ADCY5: variants seen among roughly 807,000 people sequenced by gnomAD.
ADCY5 encodes adenylate cyclase type 5.
Under a neutral mutation model 119.7 loss-of-function variants are expected in ADCY5, and 30 were observed. The observed-to-expected ratio is 0.25, with a 90% CI of 0.19 to 0.34. The LOEUF (loss-of-function observed/expected upper bound fraction) is 0.34. ADCY5 is among the 10% of genes least tolerant of loss of function. The pLI, the probability that ADCY5 is intolerant of heterozygous loss-of-function variation, is 1.00. For missense variants in ADCY5, 1,324 were observed against 1,775.2 expected, an observed-to-expected ratio of 0.75 and a Z score of 4.57; for synonymous variants, 753 against 762.2, an observed-to-expected ratio of 0.99 and a Z score of 0.20.
chr3:123,341,093 C>A (rs1055461313), intron 3 of ADCY5, among the ~76,000 whole-genome samples: 5 of 152,068 alleles, frequency 3.3e-5, no homozygotes, highest in Non-Finnish European at 7.4e-5. Context: ...CCACTGTACT[C>A]CAGCCTGGGT....
chr3:123,351,866 C>T (rs1163461967), intron 2 of ADCY5, among the ~76,000 whole-genome samples: 2 of 152,192 alleles, frequency 1.3e-5, no homozygotes, highest in Non-Finnish European at 2.9e-5. Flanking sequence ...CTGGGAATGG[C>T]CTGCCTTCCC....
At chr3:123,391,689 G>A (rs1219350813) in intron 1 of ADCY5, among the ~76,000 whole-genome samples, 1 of 152,192 alleles carries the variant, frequency 6.6e-6, no homozygotes, top group Admixed American at 6.5e-5. Context: ...TCCAGGGCCT[G>A]GGGTTCCTGT....
chr3:123,439,186 G>A lies in ADCY5; in HGVS notation c.1134+8226C>T, dbSNP rs376900440. 1.5e-4 allele frequency among the ~76,000 whole-genome samples: 22 copies of A among 148,440 alleles called. No homozygotes were observed. In the East Asian group the frequency reaches 2.8e-3, roughly 19 times the overall value. On this transcript the variant is annotated intron_variant, in intron 1 of 20. Coordinates refer to ENST00000462833, the MANE Select transcript of ADCY5 (RefSeq NM_183357.3). Reference sequence around the variant, plus strand: ...GGGTTCATGCCATTCTCCTGCCTCAGCCTCCCGAGTAGCTGGGACTACAGG... The same window carrying A: ...GGGTTCATGCCATTCTCCTGCCTCAACCTCCCGAGTAGCTGGGACTACAGG...
chr3:123,352,516 A>G lies in ADCY5; in HGVS notation c.1200T>C (p.Ala400=). ...GGAAAGCCTGTCTCTGGGAGACCTCAGCCGGATAGTGGGTGCAGACACCCA... is the reference window on the plus strand; with the variant it reads ...GGAAAGCCTGTCTCTGGGAGACCTCGGCCGGATAGTGGGTGCAGACACCCA... The part of the protein sequence containing the change: ...NIVGVCTHYP[A]EVSQRQAFQE... Residue 400 remains alanine, a synonymous_variant, in exon 2 of 21, where the codon GCT becomes GCC. Coordinates refer to ENST00000462833, the MANE Select transcript of ADCY5 (RefSeq NM_183357.3). The surrounding 1 kb of genome is among the most constrained non-coding windows in gnomAD (Gnocchi z 4.8). 1 of 1,614,008 alleles carries G rather than the reference A, an allele frequency of 6.2e-7. No homozygotes were observed. Among genetic ancestry groups the G allele is most frequent in the Admixed American group, 1.7e-5 (1 of 60,016 alleles).
Position 123,447,847 on chromosome 3 carries a change from G to A in ADCY5, c.699C>T (p.Tyr233=), listed in dbSNP as rs1405524663. 8 of 1,612,630 alleles carry A rather than the reference G, an allele frequency of 5.0e-6. No homozygotes were observed. Among genetic ancestry groups the A allele is most frequent in the Non-Finnish European group, 6.8e-6 (8 of 1,179,740 alleles). The stretch of plus-strand genomic sequence containing the variant: ...GGCTGCTCTGGTTCAGGCGGAAGAA[G>A]TAGCGCTGGTACAGCCGCTCCAGTT... The part of the protein sequence containing the change: ...SDKLERLYQR[Y]FFRLNQSSLT... The change falls in exon 1 of 21, where the codon TAC becomes TAT. Residue 233 remains tyrosine, a synonymous_variant. Coordinates refer to ENST00000462833, the MANE Select transcript of ADCY5 (RefSeq NM_183357.3).
At chr3:123,419,100 T>C (rs1945246662) in intron 1 of ADCY5, 1 of 963,614 alleles carries the variant, frequency 1.0e-6, no homozygotes, top group South Asian at 4.8e-5. Flanking sequence ...TATATGTCTA[T>C]ATAAATCCTA....
chr3:123,332,087 G>A (rs908059494), intron 4 of ADCY5, among the ~76,000 whole-genome samples: 2 of 152,168 alleles, frequency 1.3e-5, no homozygotes, highest in Non-Finnish European at 2.9e-5. Flanking sequence ...TTATCCAAAC[G>A]TTTAAGAGTC....
chr3:123,384,803 T>C (rs1038772743), intron 1 of ADCY5, among the ~76,000 whole-genome samples: 8 of 152,136 alleles, frequency 5.3e-5, no homozygotes, highest in African/African-American at 1.7e-4. Flanking sequence ...AAGAGGCCAC[T>C]AGTACCACTC....
intron 17 of ADCY5, among the ~76,000 whole-genome samples, chr3:123,294,353 A>C (rs939270910): frequency 6.6e-6 from 1 of 152,234 alleles, no homozygotes; most frequent in Non-Finnish European, 1.5e-5. Flanking sequence ...AATTAGTGGA[A>C]TATCAGACTC....
intron 7 of ADCY5, among the ~76,000 whole-genome samples, chr3:123,326,755 T>C (rs1425030019): frequency 2.0e-5 from 3 of 152,300 alleles, no homozygotes; most frequent in East Asian, 3.9e-4. Flanking sequence ...CCAGGATCTG[T>C]CCCCTGGGGT....
chr3:123,301,405 A>G (rs1939845859), intron 14 of ADCY5, among the ~76,000 whole-genome samples: 1 of 152,200 alleles, frequency 6.6e-6, no homozygotes, highest in African/African-American at 2.4e-5. Context: ...AGAGGGAATG[A>G]GAAGGGCATG....
chr3:123,444,855 T>C (rs1334404550), intron 1 of ADCY5, among the ~76,000 whole-genome samples: 1 of 152,200 alleles, frequency 6.6e-6, no homozygotes, highest in Non-Finnish European at 1.5e-5. Flanking sequence ...CCCATTTCCC[T>C]GGACATGTGT....
At position 123,286,845 on chromosome 3, in the gene ADCY5, C is replaced by A. The variant is rs773732532; in HGVS notation, c.3533-36G>T. On this transcript the variant is annotated intron_variant, in intron 19 of 20. Transcript: ENST00000462833. The surrounding 1 kb of genome is among the most constrained non-coding windows in gnomAD (Gnocchi z 4.2). ...CAGGAATCAGCCACAGTCATCACAT[C>A]TCTGGCTTGACCTTGCCACCATCTG... 6 of 1,554,430 alleles carry A rather than the reference C, an allele frequency of 3.9e-6. No homozygotes were observed. Among genetic ancestry groups the A allele is most frequent in the African/African-American group, 1.4e-5 (1 of 73,144 alleles).
At chr3:123,368,205 A>C (rs766453606) in intron 1 of ADCY5, among the ~76,000 whole-genome samples, 9 of 152,238 alleles carry the variant, frequency 5.9e-5, no homozygotes, top group Non-Finnish European at 8.8e-5. Context: ...CGAATAAGAC[A>C]CCAATGCTAA....
chr3:123,324,610 G>A (rs933377069), intron 8 of ADCY5, among the ~76,000 whole-genome samples: 2 of 152,134 alleles, frequency 1.3e-5, no homozygotes, highest in East Asian at 1.9e-4. Flanking sequence ...CTGCAGTAAC[G>A]TGGCTTCTTC....
intron 11 of ADCY5, among the ~76,000 whole-genome samples, chr3:123,315,462 A>C (rs1940861763): frequency 6.6e-6 from 1 of 152,222 alleles, no homozygotes; most frequent in Admixed American, 6.5e-5. Flanking sequence ...CAGGCAGGGC[A>C]GGTAACTGAG....
chr3:123,329,389 T>C (rs1941652617), intron 5 of ADCY5, among the ~76,000 whole-genome samples: 1 of 152,106 alleles, frequency 6.6e-6, no homozygotes, highest in Non-Finnish European at 1.5e-5. Context: ...AGAGGAAAGC[T>C]TGGTCCCGGC....
Position 123,283,438 on chromosome 3 carries a change from T to G in ADCY5, c.*1170A>C, listed in dbSNP as rs1938502044. On this transcript the variant is annotated 3_prime_UTR_variant, in exon 21 of 21. Coordinates refer to ENST00000462833, the MANE Select transcript of ADCY5 (RefSeq NM_183357.3). The stretch of plus-strand genomic sequence containing the variant: ...AGCAGCTTTTTGTTTTCTTATTCCA[T>G]CTGCGTTTTGCTTAGGGGAAGGAGG... 6.6e-6 allele frequency: 1 copy of G among 152,270 alleles called. No individual in the cohort carries two copies. The highest frequency in any genetic ancestry group is 1.5e-5 in the Non-Finnish European group (1 of 68,076). 9.4% of individuals were successfully genotyped at this position (152,270 alleles called of 1,614,324 possible).
At chr3:123,412,433 G>A (rs116488955) in intron 1 of ADCY5, among the ~76,000 whole-genome samples, 11 of 152,208 alleles carry the variant, frequency 7.2e-5, no homozygotes, top group African/African-American at 9.7e-5. Context: ...TCCAAAAGCC[G>A]GGAAACCATG....
Sources: allele counts gnomAD v4.1 joint callset (sites outside exome capture counted in the v4.1 genomes callset), GRCh38; gene constraint gnomAD v4.1.1; non-coding constraint Gnocchi (gnomAD v3.1); transcripts MANE v1.5; gene names NCBI Gene and HGNC (gene_info 2026-07-23, HGNC 2026-07-21).